The following DAB1 variants were observed in gnomAD, a reference collection of about 807,000 sequenced individuals.
The protein encoded by DAB1 is DAB adaptor protein 1.
DAB1 carries 15 observed loss-of-function variants against 64.6 expected under a neutral mutation model. The ratio of observed to expected loss-of-function variants is 0.23; its 90% confidence interval spans 0.16 to 0.36. DAB1 has a LOEUF of 0.36. Among genes scored for constraint, DAB1 ranks in the 10% least tolerant of loss-of-function variants. The probability of loss-of-function intolerance (pLI) is 1.00; values close to 1 mark genes in which losing one functional copy is unlikely to be tolerated. For missense variants in DAB1, 596 were observed against 706.7 expected (o/e 0.84, Z 1.78); for synonymous variants, 235 against 251.9 (o/e 0.93, Z 0.64).
At chr1:57,596,947 A>AT (rs1253279102) in intron 7 of DAB1, among the ~76,000 whole-genome samples, 9 of 152,178 alleles carry the variant, frequency 5.9e-5, no homozygotes, top group South Asian at 2.1e-4. Flanking sequence ...GTGCCTAACC[A>AT]TTTTTTTGCT....
At chr1:58,045,735 T>G (rs4097304) in intron 5 of DAB1, among the ~76,000 whole-genome samples, 69,895 of 151,808 alleles carry the variant, frequency 0.46, 16,484 homozygotes, top group Non-Finnish European at 0.51. Flanking sequence ...CATCTTTGTT[T>G]TCATCTCCAT....
rs1378908657 is a variant in DAB1 at position 57,468,731 on chromosome 1, AT to A, written n.626-177566del. Among the ~76,000 whole-genome samples, 15 of 152,350 alleles carry A rather than the reference AT, an allele frequency of 9.8e-5. No homozygotes were observed. The East Asian group carries it at 1.5e-3, about 16-fold the overall frequency. On this transcript the variant is annotated intron_variant and non_coding_transcript_variant, in intron 7 of 20. Transcript: ENST00000485760. ...AGATGCTCAATATGGAAAAGTTCCC[AT>A]TTCAAACAAGCCAGAACATTTAAAA...
chr1:57,794,190 G>A (rs1650732749), intron 6 of DAB1, among the ~76,000 whole-genome samples: 1 of 152,156 alleles, frequency 6.6e-6, no homozygotes, highest in Non-Finnish European at 1.5e-5. Flanking sequence ...TTGGGTTGCT[G>A]GTTGCTTCTA....
intron 5 of DAB1, among the ~76,000 whole-genome samples, chr1:58,046,157 A>T (rs1267304355): frequency 6.6e-6 from 1 of 152,206 alleles, no homozygotes; most frequent in Non-Finnish European, 1.5e-5. Flanking sequence ...TAGATACCAG[A>T]GACAGAATAA....
downstream of DAB1, among the ~76,000 whole-genome samples, chr1:57,823,047 C>T (rs546690352): frequency 6.2e-5 from 9 of 145,748 alleles, no homozygotes; most frequent in Middle Eastern, 3.7e-3. Flanking sequence ...TGCAGTGGCG[C>T]GATCTTGGCT....
intron 7 of DAB1, among the ~76,000 whole-genome samples, chr1:57,531,593 C>T: frequency 6.6e-6 from 1 of 151,864 alleles, no homozygotes; most frequent in Non-Finnish European, 1.5e-5. Context: ...AAGTGTAGAC[C>T]AGTAAGGGAG....
At chr1:58,526,421 G>A (rs1646350662) in intron 2 of DAB1, among the ~76,000 whole-genome samples, 2 of 152,004 alleles carry the variant, frequency 1.3e-5, no homozygotes, top group Non-Finnish European at 2.9e-5. Flanking sequence ...TTTAATATGT[G>A]AAGTGGCATT....
At chr1:58,123,471 T>C (rs1222559853) in intron 5 of DAB1, among the ~76,000 whole-genome samples, 1 of 152,164 alleles carries the variant, frequency 6.6e-6, no homozygotes, top group Non-Finnish European at 1.5e-5. Context: ...GAATAATAGC[T>C]AAGTAGGTCA....
intron 4 of DAB1, among the ~76,000 whole-genome samples, chr1:57,101,764 A>G (rs928401340): frequency 6.6e-6 from 1 of 152,198 alleles, no homozygotes; most frequent in Admixed American, 6.5e-5. Flanking sequence ...GACATTCAGT[A>G]AGCACTTTCT....
chr1:57,669,471 G>C (rs1570722462), intron 6 of DAB1, among the ~76,000 whole-genome samples: 1 of 152,032 alleles, frequency 6.6e-6, no homozygotes. Context: ...TGGCCCCCCT[G>C]CCCGCCATGA....
intron 5 of DAB1, among the ~76,000 whole-genome samples, chr1:57,986,660 T>C (rs1646226483): frequency 6.6e-6 from 1 of 152,168 alleles, no homozygotes; most frequent in South Asian, 2.1e-4. Flanking sequence ...GGAAGTCCTT[T>C]GGTTTGTGAA....
chr1:57,721,227 A>T (rs1647146505), intron 6 of DAB1, among the ~76,000 whole-genome samples: 2 of 152,302 alleles, frequency 1.3e-5, no homozygotes, highest in South Asian at 4.1e-4. Flanking sequence ...TGAATGACTG[A>T]TCTAATTCCT....
At chr1:57,613,793 G>C (rs1026173521) in intron 7 of DAB1, among the ~76,000 whole-genome samples, 2 of 152,156 alleles carry the variant, frequency 1.3e-5, no homozygotes, top group African/African-American at 4.8e-5. Context: ...AGCTAGGGTG[G>C]TACAGCGAAA....
chr1:57,083,318 G>A (rs1312311358), intron 4 of DAB1, among the ~76,000 whole-genome samples: 1 of 152,242 alleles, frequency 6.6e-6, no homozygotes, highest in East Asian at 1.9e-4. Context: ...AGTTTCAAAT[G>A]TACTTTAATG....
chr1:57,762,524 A>G (rs1364503117), intron 6 of DAB1, among the ~76,000 whole-genome samples: 1 of 152,190 alleles, frequency 6.6e-6, no homozygotes, highest in African/African-American at 2.4e-5. Flanking sequence ...TCTGCCATTT[A>G]TCTTTACCAT....
At chr1:58,030,156 G>A (rs558528784) in intron 5 of DAB1, among the ~76,000 whole-genome samples, 50 of 152,134 alleles carry the variant, frequency 3.3e-4, no homozygotes, top group African/African-American at 1.0e-3. Flanking sequence ...GCAGTGAGCC[G>A]AGATCGCACC....
At chr1:58,218,329 T>C (rs1205074772) in intron 4 of DAB1, among the ~76,000 whole-genome samples, 1 of 152,164 alleles carries the variant, frequency 6.6e-6, no homozygotes, top group Non-Finnish European at 1.5e-5. Context: ...GTAGGACACC[T>C]TGTGCTCTAA....
intron 1 of DAB1, among the ~76,000 whole-genome samples, chr1:58,538,540 A>C (rs1429256404): frequency 6.6e-6 from 1 of 152,170 alleles, no homozygotes; most frequent in Non-Finnish European, 1.5e-5. Context: ...TTTTAAAGAG[A>C]TATTTCTATA....
chr1:58,469,089 C>T (rs1167001602), intron 3 of DAB1: 1 of 201,076 alleles, frequency 5.0e-6, no homozygotes, highest in African/African-American at 2.3e-5. Flanking sequence ...CTGTCTCAAG[C>T]ATCATTGCTG....
Sources: gnomAD v4.1 joint callset for allele counts (sites outside exome capture counted in the v4.1 genomes callset) on GRCh38, gnomAD v4.1.1 for gene constraint, MANE v1.5 for transcripts, NCBI Gene and HGNC (gene_info 2026-07-23, HGNC 2026-07-21) for gene names.